YAF2: variants seen among roughly 807,000 people sequenced by gnomAD.
YAF2 encodes the protein YY1 associated factor 2, also known as YY1-associated factor 2.
Under a neutral mutation model 20.1 loss-of-function variants are expected in YAF2, and 7 were observed. The observed-to-expected ratio is 0.35, with a 90% CI of 0.20 to 0.65. The LOEUF is 0.65. YAF2 is among the 30% of genes least tolerant of loss of function. The pLI is 0.69. For missense variants in YAF2, 151 were observed against 219.2 expected, an observed-to-expected ratio of 0.69 and a Z score of 1.96; for synonymous variants, 74 against 76.0, an observed-to-expected ratio of 0.97 and a Z score of 0.14.
At chr12:42,180,805 G>A (rs1025129453) in intron 2 of YAF2, among the ~76,000 whole-genome samples, 14 of 152,044 alleles carry the variant, frequency 9.2e-5, no homozygotes, top group African/African-American at 3.4e-4. Flanking sequence ...AAAATTAGCT[G>A]GATGTGGTGG....
At chr12:42,196,644 C>G (rs2066760339) in intron 2 of YAF2, among the ~76,000 whole-genome samples, 1 of 152,150 alleles carries the variant, frequency 6.6e-6, no homozygotes, top group Non-Finnish European at 1.5e-5. Flanking sequence ...GCAACAAGGA[C>G]TGTGGAAAGC....
Position 42,227,960 on chromosome 12 carries a change from C to T in YAF2, c.152+9639G>A, listed in dbSNP as rs1228489819. On this transcript the variant is annotated intron_variant, in intron 2 of 3. Coordinates refer to ENST00000534854, the MANE Select transcript of YAF2 (RefSeq NM_005748.6). ...CCTCAGCCCAGCCAGCCACCCTGTC[C>T]GGGAGGGAGGTGGGGGGGTCAGCCC... Among the ~76,000 whole-genome samples, 13 of 144,702 alleles carry T rather than the reference C, an allele frequency of 9.0e-5. No individual in the cohort carries two copies. In the Middle Eastern group the frequency reaches 0.014, roughly 161 times the overall value. 94.9% of individuals were successfully genotyped at this position (144,702 alleles called of 152,430 possible). A position where few individuals can be genotyped will look rare whatever the true frequency, so the allele number is the denominator to read the frequency against.
At position 42,160,620 on chromosome 12, in the gene YAF2, TCTC is replaced by T. The variant is rs1359741584; in HGVS notation, c.509_511del (p.Gly170del). ...AGATTCTCCATTCAATGATGAGGCT[TCTC>T]CTCTGGGTGAAGATGACCTGGACAT... On this transcript the variant is annotated inframe_deletion, in exon 4 of 4. Transcript: ENST00000534854. 1.2e-6 allele frequency: 2 copies of T among 1,613,574 alleles called. No individual in the cohort carries two copies. Among genetic ancestry groups the T allele is most frequent in the African/African-American group, 2.7e-5 (2 of 74,904 alleles).
chr12:42,209,654 C>T (rs1377543503), intron 2 of YAF2, among the ~76,000 whole-genome samples: 2 of 150,658 alleles, frequency 1.3e-5, no homozygotes, highest in Non-Finnish European at 2.9e-5. Context: ...AGAAATTCAC[C>T]AAATATGACA....
intron 2 of YAF2, among the ~76,000 whole-genome samples, chr12:42,182,859 T>G (rs1242184276): frequency 1.3e-5 from 2 of 152,208 alleles, no homozygotes; most frequent in African/African-American, 2.4e-5. Context: ...GGACATACAA[T>G]GAAAATCTTG....
At chr12:42,206,974 T>C (rs761496882) in intron 2 of YAF2, among the ~76,000 whole-genome samples, 1 of 152,060 alleles carries the variant, frequency 6.6e-6, no homozygotes, top group Non-Finnish European at 1.5e-5. Context: ...TTTACCTTTT[T>C]TCTCTCTCTC....
intron 2 of YAF2, among the ~76,000 whole-genome samples, chr12:42,181,766 A>C (rs1239800795): frequency 6.6e-6 from 1 of 152,242 alleles, no homozygotes. Context: ...CTTCAATGGA[A>C]TGTGGAATGT....
chr12:42,236,865 A>G (rs1592077631), intron 2 of YAF2, among the ~76,000 whole-genome samples: 1 of 152,286 alleles, frequency 6.6e-6, no homozygotes, highest in East Asian at 1.9e-4. Flanking sequence ...TTCCTGGATG[A>G]TTTTCTTTAT....
chr12:42,197,315 C>T (rs2066779384), intron 2 of YAF2, among the ~76,000 whole-genome samples: 1 of 152,190 alleles, frequency 6.6e-6, no homozygotes, highest in Non-Finnish European at 1.5e-5. Flanking sequence ...ACCCCAGTGA[C>T]CACAATTAGC....
intron 2 of YAF2, among the ~76,000 whole-genome samples, chr12:42,226,854 G>A (rs1326749864): frequency 1.3e-5 from 2 of 151,134 alleles, no homozygotes; most frequent in Non-Finnish European, 3.0e-5. Context: ...AGAGGAGGTC[G>A]CGGCGCCGGA....
At chr12:42,222,032 AAT>A (rs2137309392) in intron 2 of YAF2, among the ~76,000 whole-genome samples, 2 of 152,374 alleles carry the variant, frequency 1.3e-5, no homozygotes, top group South Asian at 4.1e-4. Flanking sequence ...CACAATAAAC[AAT>A]ATTGTAGAAT....
chr12:42,163,395 T>C (rs1184725274), intron 2 of YAF2, among the ~76,000 whole-genome samples: 1 of 152,164 alleles, frequency 6.6e-6, no homozygotes, highest in African/African-American at 2.4e-5. Flanking sequence ...TAGTCTGAAA[T>C]AGAAAGGTAC....
chr12:42,175,161 G>A (rs2066146871), intron 2 of YAF2, among the ~76,000 whole-genome samples: 1 of 152,024 alleles, frequency 6.6e-6, no homozygotes, highest in Admixed American at 6.6e-5. Flanking sequence ...AAGAAACTGT[G>A]GTACATCCAT....
chr12:42,186,125 A>G (rs1167164079), intron 2 of YAF2, among the ~76,000 whole-genome samples: 1 of 134,656 alleles, frequency 7.4e-6, no homozygotes, highest in Admixed American at 8.6e-5. Flanking sequence ...CAGGAGGCAG[A>G]GGTTGCAGTG....
At chr12:42,197,857 T>C (rs1422730720) in intron 2 of YAF2, among the ~76,000 whole-genome samples, 1 of 152,138 alleles carries the variant, frequency 6.6e-6, no homozygotes, top group Non-Finnish European at 1.5e-5. Flanking sequence ...TAAACTCAAT[T>C]ACTGAAAATA....
intron 2 of YAF2, among the ~76,000 whole-genome samples, chr12:42,182,772 T>A (rs949747369): frequency 2.0e-5 from 3 of 152,244 alleles, no homozygotes; most frequent in Non-Finnish European, 4.4e-5. Flanking sequence ...AAAAAGAATT[T>A]ACATTTCAAG....
At chr12:42,165,061 C>CAAAAA (rs78729667) in intron 2 of YAF2, among the ~76,000 whole-genome samples, 63 of 62,658 alleles carry the variant, frequency 1.0e-3, no homozygotes, top group East Asian at 1.7e-3. Context: ...TCTTCTGGAA[C>CAAAAA]AAAAAAAAAA....
intron 2 of YAF2, among the ~76,000 whole-genome samples, chr12:42,212,282 T>C (rs1242180760): frequency 1.3e-5 from 2 of 152,148 alleles, no homozygotes; most frequent in African/African-American, 4.8e-5. Context: ...TATGAAGATA[T>C]TACATTACCT....
At chr12:42,228,665 G>GA (rs1356250326) in intron 2 of YAF2, among the ~76,000 whole-genome samples, 1 of 107,326 alleles carries the variant, frequency 9.3e-6, no homozygotes, top group Admixed American at 8.1e-5. Context: ...GTGGGGGGGG[G>GA]GTCAGCCCCC....
Sources: gnomAD v4.1 joint callset for allele counts (sites outside exome capture counted in the v4.1 genomes callset) on GRCh38, gnomAD v4.1.1 for gene constraint, MANE v1.5 for transcripts, NCBI Gene and HGNC (gene_info 2026-07-23, HGNC 2026-07-21) for gene names.